Variants in MAF observed in about 807,000 individuals in gnomAD.
MAF encodes the protein transcription factor Maf.
In MAF, 10 loss-of-function variants were observed where a neutral mutation model predicts 22.0. The observed-to-expected ratio is 0.45, with a 90% CI of 0.28 to 0.77. The LOEUF (loss-of-function observed/expected upper bound fraction) is 0.77, where lower values mean the gene tolerates loss of function less well. Among genes scored for constraint, MAF ranks in the 30% least tolerant of loss-of-function variants. The probability of loss-of-function intolerance (pLI) is 0.12; values close to 1 mark genes in which losing one functional copy is unlikely to be tolerated. For missense variants in MAF, 544 were observed against 548.4 expected (o/e 0.99, Z 0.08); for synonymous variants, 337 against 255.8 (o/e 1.32, Z -3.03).
the MAF span, among the ~76,000 whole-genome samples, chr16:79,251,219 C>T: frequency 3.9e-5 from 6 of 152,152 alleles, no homozygotes; most frequent in South Asian, 8.3e-4. Context: ...GAAATTTGGC[C>T]GCTGATTGCG....
the MAF span, among the ~76,000 whole-genome samples, chr16:79,226,365 C>G: frequency 6.6e-6 from 1 of 151,944 alleles, no homozygotes; most frequent in African/African-American, 2.4e-5. Flanking sequence ...ACATCACATA[C>G]CAGGGCCTGT....
the MAF span, among the ~76,000 whole-genome samples, chr16:79,428,849 A>AAAAAATAATAATAAT: frequency 6.8e-6 from 1 of 146,596 alleles, no homozygotes; most frequent in Non-Finnish European, 1.5e-5. Flanking sequence ...TGTCTCAGAA[A>AAAAAATAATAATAAT]AATAATAATA....
At chr16:79,532,438 G>T in the MAF span, among the ~76,000 whole-genome samples, 132,472 of 152,246 alleles carry the variant, frequency 0.87, 58,294 homozygotes, top group South Asian at 0.96. Context: ...GTAAGAAGCT[G>T]GTACATTTCA....
At chr16:79,485,899 A>C in the MAF span, among the ~76,000 whole-genome samples, 6 of 152,206 alleles carry the variant, frequency 3.9e-5, no homozygotes, top group Admixed American at 3.9e-4. Flanking sequence ...TTCTGCTGAA[A>C]AACTAATAAA....
the MAF span, among the ~76,000 whole-genome samples, chr16:79,213,779 C>G: frequency 9.0e-6 from 1 of 110,942 alleles, no homozygotes; most frequent in Non-Finnish European, 2.5e-5. Flanking sequence ...ACATTTCACT[C>G]ACAGCAATGC....
At chr16:79,433,786 G>A in the MAF span, among the ~76,000 whole-genome samples, 54 of 152,208 alleles carry the variant, frequency 3.5e-4, no homozygotes, top group African/African-American at 1.3e-3. Context: ...GGCTAGCGGT[G>A]TTTTAAAAAT....
downstream of MAF, among the ~76,000 whole-genome samples, chr16:79,584,033 C>G (rs550155063): frequency 6.6e-6 from 1 of 151,962 alleles, no homozygotes; most frequent in East Asian, 1.9e-4. Flanking sequence ...AGATTTTAAT[C>G]TTTTTGAGAT....
chr16:79,227,257 A>AG, the MAF span, among the ~76,000 whole-genome samples: 1 of 151,950 alleles, frequency 6.6e-6, no homozygotes, highest in Non-Finnish European at 1.5e-5. Context: ...AGGCTGAGGT[A>AG]GGGGGATCGC....
the MAF span, among the ~76,000 whole-genome samples, chr16:79,341,666 T>C: frequency 1.3e-5 from 2 of 152,186 alleles, no homozygotes; most frequent in Non-Finnish European, 2.9e-5. Context: ...TAGAGCAGCG[T>C]CATGACTTTA....
At chr16:79,522,757 G>A in the MAF span, among the ~76,000 whole-genome samples, 3 of 152,274 alleles carry the variant, frequency 2.0e-5, no homozygotes, top group Admixed American at 1.3e-4. Context: ...CTTGCTTGCT[G>A]GGGCTTTGGG....
chr16:79,506,196 GTAACCA>G, the MAF span, among the ~76,000 whole-genome samples: 1 of 152,268 alleles, frequency 6.6e-6, no homozygotes, highest in African/African-American at 2.4e-5. Flanking sequence ...TATTTACTCT[GTAACCA>G]GCTATTGTCC....
At chr16:79,474,810 C>T in the MAF span, among the ~76,000 whole-genome samples, 1 of 152,248 alleles carries the variant, frequency 6.6e-6, no homozygotes, top group Middle Eastern at 3.4e-3. Context: ...GGATAAGATT[C>T]CTCCTCACCC....
the MAF span, among the ~76,000 whole-genome samples, chr16:79,418,167 G>A: frequency 2.0e-5 from 3 of 152,122 alleles, no homozygotes; most frequent in East Asian, 1.9e-4. Flanking sequence ...ATTGTGTCTC[G>A]AGAACACAGG....
chr16:79,300,800 T>C, the MAF span, among the ~76,000 whole-genome samples: 1 of 152,044 alleles, frequency 6.6e-6, no homozygotes, highest in Non-Finnish European at 1.5e-5. Context: ...ATGATTTGTG[T>C]TCAGTTTTTT....
At chr16:79,472,621 G>C in the MAF span, among the ~76,000 whole-genome samples, 1 of 152,126 alleles carries the variant, frequency 6.6e-6, no homozygotes, top group Non-Finnish European at 1.5e-5. Flanking sequence ...TGGAGGCAGA[G>C]AAGAAATGGG....
At chr16:79,236,189 A>G in the MAF span, among the ~76,000 whole-genome samples, 2 of 152,034 alleles carry the variant, frequency 1.3e-5, no homozygotes. Flanking sequence ...TCCTCGCCAT[A>G]GCTTGTGCGC....
the MAF span, among the ~76,000 whole-genome samples, chr16:79,344,557 C>T: frequency 1.3e-5 from 2 of 152,188 alleles, no homozygotes; most frequent in Non-Finnish European, 2.9e-5. Flanking sequence ...TAGGTTTCCA[C>T]GTCCCATCTC....
At chr16:79,529,247 C>A in the MAF span, among the ~76,000 whole-genome samples, 2 of 152,140 alleles carry the variant, frequency 1.3e-5, no homozygotes, top group Non-Finnish European at 2.9e-5. Flanking sequence ...GCGCCAAAAA[C>A]CAGGGGAGGG....
At chr16:79,290,563 G>C in the MAF span, among the ~76,000 whole-genome samples, 1 of 151,644 alleles carries the variant, frequency 6.6e-6, no homozygotes, top group Non-Finnish European at 1.5e-5. Context: ...GCTGCGACGT[G>C]TGTGTACATT....
Sources: gnomAD v4.1 joint callset for allele counts (sites outside exome capture counted in the v4.1 genomes callset) on GRCh38, gnomAD v4.1.1 for gene constraint, MANE v1.5 for transcripts, NCBI Gene and HGNC (gene_info 2026-07-23, HGNC 2026-07-21) for gene names.